The following TRIO variants were observed in gnomAD, a reference collection of about 807,000 sequenced individuals.
TRIO encodes the protein trio Rho guanine nucleotide exchange factor.
Under a neutral mutation model 351.9 loss-of-function variants are expected in TRIO, and 58 were observed. The ratio of observed to expected loss-of-function variants is 0.16; its 90% CI spans 0.13 to 0.21. The LOEUF is 0.21. Among genes scored for constraint, TRIO ranks in the 10% least tolerant of loss-of-function variants. The pLI is 1.00. For synonymous variants in TRIO, 1,758 were observed against 1,595.7 expected (o/e 1.10, Z -2.42); for missense variants, 3,201 against 4,027.8 (o/e 0.79, Z 5.56).
At chr5:14,403,506 AGGT>A (rs1192978842) in intron 31 of TRIO, among the ~76,000 whole-genome samples, 8 of 39,536 alleles carry the variant, frequency 2.0e-4, no homozygotes, top group African/African-American at 3.6e-4. Flanking sequence ...GTGAGGGTGT[AGGT>A]GGTGGTGGTG....
chr5:14,258,740 G>T lies in TRIO; in HGVS notation c.158-12085G>T, dbSNP rs148360618. On this transcript the variant is annotated intron_variant, in intron 1 of 56. Coordinates refer to ENST00000344204, the MANE Select transcript of TRIO (RefSeq NM_007118.4). ...AGGAGGCCCTGTGGCCCCAGTACCA[G>T]CCCAGTTGCCTCTAGCCATCCCAGC... 5.2e-3 allele frequency among the ~76,000 whole-genome samples: 786 copies of T among 152,310 alleles called. 8 individuals carry two copies. Among genetic ancestry groups the T allele is most frequent in the African/African-American group, 0.018 (756 of 41,564 alleles).
At chr5:14,266,879 C>T (rs941250714) in intron 1 of TRIO, among the ~76,000 whole-genome samples, 1 of 152,150 alleles carries the variant, frequency 6.6e-6, no homozygotes, top group Admixed American at 6.6e-5. Context: ...TATTTGTTGC[C>T]TGCCTTTAAG....
At chr5:14,503,814 C>G (rs1179023257) in intron 54 of TRIO, among the ~76,000 whole-genome samples, 1 of 152,234 alleles carries the variant, frequency 6.6e-6, no homozygotes, top group Non-Finnish European at 1.5e-5. Flanking sequence ...GTGCAGAATG[C>G]ACTCACCCAC....
chr5:14,245,379 C>T (rs1290187074), intron 1 of TRIO, among the ~76,000 whole-genome samples: 2 of 152,202 alleles, frequency 1.3e-5, no homozygotes, highest in Admixed American at 1.3e-4. Flanking sequence ...TCAAATGGTT[C>T]AGTCTTTCTG....
intron 34 of TRIO, among the ~76,000 whole-genome samples, chr5:14,421,890 C>T (rs996588339): frequency 1.3e-5 from 2 of 152,188 alleles, no homozygotes; most frequent in African/African-American, 4.8e-5. Context: ...ACTGCAGGAG[C>T]AGGAGGCCTC....
At chr5:14,178,133 G>A (rs1245388206) in intron 1 of TRIO, among the ~76,000 whole-genome samples, 3 of 152,230 alleles carry the variant, frequency 2.0e-5, no homozygotes, top group Middle Eastern at 3.4e-3. Flanking sequence ...CCTAAAAATA[G>A]TCTGCTAGGG....
At chr5:14,289,325 C>T (rs920444564) in intron 4 of TRIO, among the ~76,000 whole-genome samples, 2 of 151,748 alleles carry the variant, frequency 1.3e-5, no homozygotes, top group Non-Finnish European at 2.9e-5. Context: ...GTGTAGGTTG[C>T]AGTGAGCTGA....
intron 19 of TRIO, among the ~76,000 whole-genome samples, chr5:14,377,420 A>C (rs1489807670): frequency 2.0e-5 from 3 of 151,602 alleles, no homozygotes; most frequent in Non-Finnish European, 2.9e-5. Flanking sequence ...TAATTTTTGT[A>C]TTTTTAGTAG....
intron 34 of TRIO, among the ~76,000 whole-genome samples, chr5:14,436,914 G>A (rs900155848): frequency 4.6e-5 from 7 of 152,192 alleles, no homozygotes; most frequent in Non-Finnish European, 7.3e-5. Context: ...CCAGGCTCAC[G>A]GTGCAAGCTG....
Position 14,387,467 on chromosome 5 carries a change from A to G in TRIO, c.3600A>G (p.Ile1200Met). Residue 1200 changes from isoleucine to methionine, a missense_variant, in exon 22 of 57, where the codon ATA becomes ATG. This residue lies in a region of TRIO where 201 missense variants were observed against 266.5 expected (regional missense o/e 0.75). Coordinates refer to ENST00000344204, the MANE Select transcript of TRIO (RefSeq NM_007118.4). ...CCAAAGAGAGAGTGAAGCTATTGAT[A>G]CAGCTGGCTGATGGCTTTTGTGAAA... ...KQTKERVKLL[I>M]QLADGFCEKG... 6.2e-7 allele frequency: 1 copy of G among 1,613,038 alleles called. No homozygotes were observed. Among genetic ancestry groups the G allele is most frequent in the Non-Finnish European group, 8.5e-7 (1 of 1,179,464 alleles).
At chr5:14,360,583 A>G (rs781440737) in intron 13 of TRIO, among the ~76,000 whole-genome samples, 23 of 152,184 alleles carry the variant, frequency 1.5e-4, no homozygotes, top group Non-Finnish European at 2.1e-4. Flanking sequence ...AGTCCTTGGC[A>G]CTCAGGCTGG....
intron 52 of TRIO, 42 bp downstream of exon 52, chr5:14,498,293 C>T: frequency 6.2e-7 from 1 of 1,601,062 alleles, no homozygotes; most frequent in Middle Eastern, 1.7e-4. Flanking sequence ...TGGCTGGGAG[C>T]ACCATCTTGT....
chr5:14,383,729 T>A (rs879528620), intron 21 of TRIO, among the ~76,000 whole-genome samples: 2 of 152,210 alleles, frequency 1.3e-5, no homozygotes, highest in Admixed American at 1.3e-4. Context: ...TCTTTTTCTT[T>A]GGTTTCTGAC....
chr5:14,187,053 A>G (rs954463211), intron 1 of TRIO, among the ~76,000 whole-genome samples: 2 of 152,204 alleles, frequency 1.3e-5, no homozygotes, highest in Non-Finnish European at 2.9e-5. Flanking sequence ...GTAAATGTGG[A>G]GAAGTCGTGT....
At chr5:14,277,862 A>C (rs978842043) in intron 2 of TRIO, among the ~76,000 whole-genome samples, 6 of 152,220 alleles carry the variant, frequency 3.9e-5, no homozygotes, top group Non-Finnish European at 8.8e-5. Flanking sequence ...CTCCCTGAGG[A>C]GGAGTCAGCA....
intron 37 of TRIO, among the ~76,000 whole-genome samples, chr5:14,467,742 G>A (rs1036378817): frequency 2.0e-5 from 3 of 152,134 alleles, no homozygotes; most frequent in East Asian, 3.9e-4. Context: ...GAGCCCAGGA[G>A]GTTGAGGCTG....
rs1228787666 is a variant in TRIO at position 14,419,894 on chromosome 5, G to A, written c.5076G>A (p.Lys1692=). The A allele has an allele frequency of 1.2e-6, 2 of 1,614,180 alleles. No homozygotes were observed. Among genetic ancestry groups the A allele is most frequent in the Admixed American group, 3.3e-5 (2 of 60,022 alleles). ...AAGTTCTGGAGCGGCCGCATGACAA[G>A]CCTGACTGGTGTCTGGTGCGGACAA... The part of the protein sequence containing the change: ...TVEVLERPHD[K]PDWCLVRTTD... Residue 1692 remains lysine, a synonymous_variant, in exon 34 of 57, where the codon AAG becomes AAA. Transcript: ENST00000344204.
At chr5:14,355,362 G>T (rs1743525560) in intron 11 of TRIO, among the ~76,000 whole-genome samples, 1 of 152,196 alleles carries the variant, frequency 6.6e-6, no homozygotes, top group African/African-American at 2.4e-5. Flanking sequence ...TATAACCAGG[G>T]TAATAATTTT....
At chr5:14,494,339 C>A (rs1369914559) in intron 49 of TRIO, among the ~76,000 whole-genome samples, 3 of 152,202 alleles carry the variant, frequency 2.0e-5, no homozygotes, top group Non-Finnish European at 4.4e-5. Context: ...AGAAATGGAA[C>A]AACAAAGCCT....
Sources: gnomAD v4.1 joint callset for allele counts (sites outside exome capture counted in the v4.1 genomes callset) on GRCh38, gnomAD v4.1.1 for gene constraint, gnomAD v4.1.1 regional missense constraint, MANE v1.5 for transcripts, NCBI Gene and HGNC (gene_info 2026-07-23, HGNC 2026-07-21) for gene names.